CPNE5: variants seen among roughly 807,000 people sequenced by gnomAD.
CPNE5 encodes the protein copine-5.
In CPNE5, 42 loss-of-function variants were observed where a neutral mutation model predicts 81.1. That is an observed-to-expected ratio of 0.52 (90% confidence interval 0.40 to 0.67). The LOEUF (loss-of-function observed/expected upper bound fraction) is 0.67, where lower values mean the gene tolerates loss of function less well. Ranked by LOEUF, CPNE5 falls within the 30% of genes least tolerant of loss-of-function variation. The probability of loss-of-function intolerance (pLI) is 0.00; values close to 1 mark genes in which losing one functional copy is unlikely to be tolerated. For synonymous variants in CPNE5, 313 were observed against 321.5 expected, an observed-to-expected ratio of 0.97 and a Z score of 0.28; for missense variants, 612 against 815.5, an observed-to-expected ratio of 0.75 and a Z score of 3.04.
At chr6:36,763,454 T>C (rs1443123805) in intron 11 of CPNE5, among the ~76,000 whole-genome samples, 1 of 151,894 alleles carries the variant, frequency 6.6e-6, no homozygotes, top group East Asian at 1.9e-4. Context: ...AATACAAAAA[T>C]TAGCCAGGCG....
intron 3 of CPNE5, among the ~76,000 whole-genome samples, chr6:36,801,963 G>A (rs1005427663): frequency 6.6e-6 from 1 of 152,294 alleles, no homozygotes; most frequent in East Asian, 1.9e-4. Flanking sequence ...GCTGACGCCT[G>A]TAATCCCAGC....
chr6:36,789,211 G>GC (rs1163277992), intron 8 of CPNE5, among the ~76,000 whole-genome samples: 2 of 152,218 alleles, frequency 1.3e-5, no homozygotes, highest in Non-Finnish European at 2.9e-5. Flanking sequence ...GGCGCTCCCT[G>GC]CCCCCGACAT....
At chr6:36,799,014 A>G (rs1187013514) in intron 4 of CPNE5, among the ~76,000 whole-genome samples, 1 of 152,064 alleles carries the variant, frequency 6.6e-6, no homozygotes, top group Non-Finnish European at 1.5e-5. Flanking sequence ...TGACACCTTC[A>G]CCTCAGCTGG....
chr6:36,808,098 CTT>C (rs55861804), intron 3 of CPNE5, among the ~76,000 whole-genome samples: 1 of 148,636 alleles, frequency 6.7e-6, no homozygotes, highest in African/African-American at 2.5e-5. Context: ...TTTCTTTTTT[CTT>C]TTTTTTTTGA....
intron 1 of CPNE5, among the ~76,000 whole-genome samples, chr6:36,826,986 T>G (rs1265609269): frequency 6.6e-6 from 1 of 152,120 alleles, no homozygotes; most frequent in Non-Finnish European, 1.5e-5. Flanking sequence ...ACAGGTCAGC[T>G]GTCGTTGGCC....
rs2150500739 is a variant in CPNE5 at position 36,789,588 on chromosome 6, C to A, written c.528+2445G>T. On this transcript the variant is annotated intron_variant, in intron 8 of 20. Transcript: ENST00000244751. Reference sequence around the variant, plus strand: ...TCATGAACTCCTTTAATCCTCACAGCAACCCTATCAGCGCCAAGCTGCAGG... The same window carrying A: ...TCATGAACTCCTTTAATCCTCACAGAAACCCTATCAGCGCCAAGCTGCAGG... 1.3e-5 allele frequency among the ~76,000 whole-genome samples: 2 copies of A among 152,322 alleles called. 1 individual carries two copies. The highest frequency in any genetic ancestry group is 4.1e-4 in the South Asian group (2 of 4,828).
intron 3 of CPNE5, among the ~76,000 whole-genome samples, chr6:36,821,306 C>G (rs924838265): frequency 1.3e-5 from 2 of 150,680 alleles, no homozygotes; most frequent in African/African-American, 4.9e-5. Flanking sequence ...AAGGAAGTCA[C>G]AAGGTGGGGG....
At chr6:36,820,656 G>A (rs1247016282) in intron 3 of CPNE5, among the ~76,000 whole-genome samples, 1 of 151,858 alleles carries the variant, frequency 6.6e-6, no homozygotes, top group East Asian at 1.9e-4. Context: ...AGGTAAATAA[G>A]TAGCCTGGCA....
chr6:36,825,259 G>A (rs1339956122), intron 1 of CPNE5, among the ~76,000 whole-genome samples: 1 of 152,098 alleles, frequency 6.6e-6, no homozygotes, highest in Non-Finnish European at 1.5e-5. Flanking sequence ...GCAGCCTGAG[G>A]CCTACACATG....
chr6:36,814,447 C>T (rs1771361517), intron 3 of CPNE5, among the ~76,000 whole-genome samples: 1 of 152,180 alleles, frequency 6.6e-6, no homozygotes, highest in African/African-American at 2.4e-5. Context: ...ATTGCCAACT[C>T]TGAGGTAGGG....
intron 8 of CPNE5, among the ~76,000 whole-genome samples, chr6:36,785,510 G>A (rs1768448760): frequency 6.6e-6 from 1 of 152,098 alleles, no homozygotes. Context: ...GTAAGCAATG[G>A]CTTTTGGTCT....
intron 3 of CPNE5, among the ~76,000 whole-genome samples, chr6:36,802,595 C>A (rs962397936): frequency 4.6e-5 from 7 of 152,006 alleles, no homozygotes; most frequent in Non-Finnish European, 1.0e-4. Context: ...GGGCATTAAT[C>A]CTTCTTAATA....
At chr6:36,773,877 C>A (rs2033419) in intron 10 of CPNE5, among the ~76,000 whole-genome samples, 7,890 of 152,116 alleles carry the variant, frequency 0.052, 284 homozygotes, top group Middle Eastern at 0.085. Flanking sequence ...CTAGCCTGGG[C>A]AACATGGTGA....
intron 3 of CPNE5, among the ~76,000 whole-genome samples, chr6:36,810,337 G>A (rs370966994): frequency 5.9e-5 from 9 of 152,172 alleles, no homozygotes; most frequent in Non-Finnish European, 8.8e-5. Flanking sequence ...TTCCCCAGCC[G>A]TAGATCCCTC....
intron 3 of CPNE5, among the ~76,000 whole-genome samples, chr6:36,812,716 C>G (rs1771205643): frequency 6.6e-6 from 1 of 152,192 alleles, no homozygotes; most frequent in Admixed American, 6.5e-5. Context: ...TAACCCTGAT[C>G]ACGGGGAGTC....
At chr6:36,742,968 A>C in intron 20 of CPNE5, 1 of 985,150 alleles carries the variant, frequency 1.0e-6, no homozygotes. Context: ...GGTGCCCTCC[A>C]TCCTGAGCGC....
intron 10 of CPNE5, 150 bp downstream of exon 10, chr6:36,774,811 T>C: frequency 3.2e-6 from 2 of 630,200 alleles, no homozygotes; most frequent in Non-Finnish European, 5.6e-6. Context: ...AGCCCCAGCC[T>C]GTGCAGGGCA....
In CPNE5 at chr6:36,839,327, C is replaced by T; in HGVS notation, c.51G>A (p.Ala17=). 6.4e-7 allele frequency: 1 copy of T among 1,552,220 alleles called. No individual in the cohort carries two copies. Among genetic ancestry groups the T allele is most frequent in the Non-Finnish European group, 8.7e-7 (1 of 1,147,360 alleles). The change falls in exon 1 of 21, where the codon GCG becomes GCA. Residue 17 remains alanine (A), a synonymous_variant. Coordinates refer to ENST00000244751, the MANE Select transcript of CPNE5 (RefSeq NM_020939.2). This position sits in a 1 kb window ranked among gnomAD's most constrained non-coding sequence, Gnocchi z 7.3. The part of the protein sequence containing the change: ...MASLSEFDSL[A]GSIPATKVEI... ...CCACCTTGGTGGCCGGGATGCTGCC[C>T]GCCAAGGAGTCGAACTCGCTCAGCG...
At chr6:36,756,168 G>T in intron 13 of CPNE5, 77 bp downstream of exon 13, 1 of 1,047,296 alleles carries the variant, frequency 9.5e-7, no homozygotes, top group Non-Finnish European at 1.4e-6. Flanking sequence ...ACAGACGCAC[G>T]GGCCTCCCTG....
Sources: allele counts gnomAD v4.1 joint callset (sites outside exome capture counted in the v4.1 genomes callset), GRCh38; gene constraint gnomAD v4.1.1; non-coding constraint Gnocchi (gnomAD v3.1); transcripts MANE v1.5; gene names NCBI Gene and HGNC (gene_info 2026-07-23, HGNC 2026-07-21).